Variants in SPC24 observed in about 807,000 individuals in gnomAD.
SPC24 encodes the protein SPC24 component of NDC80 kinetochore complex, also known as kinetochore protein Spc24.
A neutral mutation model predicts 27.6 loss-of-function variants in SPC24; 31 were observed. The observed-to-expected ratio is 1.12, with a 90% CI of 0.84 to 1.52. SPC24 has a LOEUF of 1.52. Among genes scored for constraint, SPC24 ranks in the 40% most tolerant of loss-of-function variants. The probability of loss-of-function intolerance (pLI) is 0.00; values close to 1 mark genes in which losing one functional copy is unlikely to be tolerated. For synonymous variants in SPC24, 105 were observed against 105.8 expected (o/e 0.99, Z 0.05); for missense variants, 284 against 252.5 (o/e 1.12, Z -0.84).
Position 11,149,193 on chromosome 19 carries a change from G to C in SPC24, c.206C>G (p.Ala69Gly). 2 of 1,550,538 alleles carry C rather than the reference G, an allele frequency of 1.3e-6. No homozygotes were observed. Among genetic ancestry groups the C allele is most frequent in the Non-Finnish European group, 1.7e-6 (2 of 1,146,682 alleles). Residue 69 changes from alanine to glycine, a missense_variant, in exon 2 of 5, where the codon GCG becomes GGG. By Grantham distance (60) the Ala-to-Gly change is moderately conservative. Coordinates refer to ENST00000592540, the MANE Select transcript of SPC24 (RefSeq NM_182513.4). Reference protein sequence around the residue: ...EKEVAQSLLNAKEQVHQGGVE... With the variant: ...EKEVAQSLLNGKEQVHQGGVE... ...GCCTCCCTGGTGCACCTGCTCCTTC[G>C]CATTGAGAAGGCTCTGGGCCACTTC...
At chr19:11,153,338 G>C (rs1017798010) in intron 1 of SPC24, among the ~76,000 whole-genome samples, 1 of 152,000 alleles carries the variant, frequency 6.6e-6, no homozygotes, top group African/African-American at 2.4e-5. Flanking sequence ...TGTAGTCCCA[G>C]CTACTCGGGA....
At chr19:11,147,963 C>A (rs750536151) in intron 3 of SPC24, 50 bp downstream of exon 3, 1 of 1,597,476 alleles carries the variant, frequency 6.3e-7, no homozygotes, top group Non-Finnish European at 8.6e-7. Context: ...CAACCAAGAG[C>A]CGGACTGCAC....
At chr19:11,147,490 A>G in intron 4 of SPC24, 2 of 574,984 alleles carry the variant, frequency 3.5e-6, no homozygotes, top group South Asian at 4.1e-5. Context: ...CCTCCTGAGT[A>G]GCTGGGACTA....
chr19:11,152,087 A>G (rs2077877152), intron 1 of SPC24, among the ~76,000 whole-genome samples: 1 of 148,486 alleles, frequency 6.7e-6, no homozygotes, highest in Non-Finnish European at 1.5e-5. Flanking sequence ...TGCCTGGCTA[A>G]TTTTCTTATT....
At chr19:11,149,304 G>T in intron 1 of SPC24, 66 bp from the exon 2 acceptor site, 1 of 1,374,956 alleles carries the variant, frequency 7.3e-7, no homozygotes, top group Non-Finnish European at 9.5e-7. Flanking sequence ...GAGAGAAGGT[G>T]GTTCCACTTG....
In SPC24 at chr19:11,146,514, C is replaced by G. The variant is rs1045303707; in HGVS notation, c.*669G>C. 7.1e-6 allele frequency: 1 copy of G among 141,126 alleles called. No individual in the cohort carries two copies. Among genetic ancestry groups the G allele is most frequent in the Admixed American group, 7.4e-5 (1 of 13,498 alleles). The allele number at this position is 141,126 out of a possible 1,614,324, so 8.7% of individuals were successfully genotyped here. ...GGCGCGGTGACTCACACCTGTAATC[C>G]CAGCACTTTGGGAGGCCAAGGCGGG... On this transcript the variant is annotated 3_prime_UTR_variant, in exon 5 of 5. Coordinates refer to ENST00000592540, the MANE Select transcript of SPC24 (RefSeq NM_182513.4).
At chr19:11,149,539 C>T (rs1204907483) in intron 1 of SPC24, among the ~76,000 whole-genome samples, 1 of 151,814 alleles carries the variant, frequency 6.6e-6, no homozygotes, top group East Asian at 1.9e-4. Flanking sequence ...CGCTTGAGGC[C>T]AAGAGTTCAA....
At position 11,154,818 on chromosome 19, in the gene SPC24, G is replaced by A. The variant is rs1019718289; in HGVS notation, c.160+799C>T. ...CAGTTTGGAAAGATGAGAAAGTTCT[G>A]GAGATGGATGATGGTGCTGATGGTT... On this transcript the variant is annotated intron_variant, in intron 1 of 4. Coordinates refer to ENST00000592540, the MANE Select transcript of SPC24 (RefSeq NM_182513.4). Among the ~76,000 whole-genome samples, 5 of 152,146 alleles carry A rather than the reference G, an allele frequency of 3.3e-5. No individual in the cohort carries two copies. In the East Asian group the frequency reaches 9.6e-4, roughly 29 times the overall value.
chr19:11,149,178 T>A lies in SPC24; in HGVS notation c.221A>T (p.His74Leu). 6.4e-7 allele frequency: 1 copy of A among 1,550,712 alleles called. No homozygotes were observed. Among genetic ancestry groups the A allele is most frequent in the Non-Finnish European group, 8.7e-7 (1 of 1,146,898 alleles). The change falls in exon 2 of 5, where the codon CAC becomes CTC. Residue 74 changes from histidine to leucine, a missense_variant. Coordinates refer to ENST00000592540, the MANE Select transcript of SPC24 (RefSeq NM_182513.4). ...CTGCTGCAGCTCCACGCCTCCCTGG[T>A]GCACCTGCTCCTTCGCATTGAGAAG... Reference protein sequence around the residue: ...QSLLNAKEQVHQGGVELQQLE... With the variant: ...QSLLNAKEQVLQGGVELQQLE...
In SPC24 at chr19:11,154,005, C is replaced by T. The variant is rs561673621; in HGVS notation, c.160+1612G>A. On this transcript the variant is annotated intron_variant, in intron 1 of 4. Coordinates refer to ENST00000592540, the MANE Select transcript of SPC24 (RefSeq NM_182513.4). ...AGGAGAATGGCGTGAACCCAGGAGA[C>T]GCAGCTTGCAGTGAGCCAAGATTGC... 8.6e-5 allele frequency among the ~76,000 whole-genome samples: 13 copies of T among 151,902 alleles called. 1 individual carries two copies. In the South Asian group the frequency reaches 1.9e-3, roughly 22 times the overall value.
chr19:11,146,577 A>C lies in SPC24; in HGVS notation c.*606T>G, dbSNP rs569878721. 2 of 148,960 alleles carry C rather than the reference A, an allele frequency of 1.3e-5. No homozygotes were observed. Among genetic ancestry groups the C allele is most frequent in the East Asian group, 4.0e-4 (2 of 5,024 alleles). The allele number at this position is 148,960 out of a possible 1,614,324, so 9.2% of individuals were successfully genotyped here. A position where few individuals can be genotyped will look rare whatever the true frequency, so the allele number is the denominator to read the frequency against. Reference sequence around the variant, plus strand: ...TCAGGAGATGGAGACCATCCTGTCTAACATGGTGAAACCCCGTCTCTACTA... The same window carrying C: ...TCAGGAGATGGAGACCATCCTGTCTCACATGGTGAAACCCCGTCTCTACTA... On this transcript the variant is annotated 3_prime_UTR_variant, in exon 5 of 5. Transcript: ENST00000592540.
Position 11,150,869 on chromosome 19 carries a change from G to C in SPC24, c.161-1631C>G, listed in dbSNP as rs569725939. Among the ~76,000 whole-genome samples the C allele has an allele frequency of 4.6e-5, 7 of 150,658 alleles. No homozygotes were observed. The South Asian group carries it at 1.1e-3, about 23-fold the overall frequency. On this transcript the variant is annotated intron_variant, in intron 1 of 4. Transcript: ENST00000592540. ...GAAACCTGCCAACTCAGAGAATGCAGATTAAATGCCCAGGCCAGGCGCGGT... is the reference window on the plus strand; with the variant it reads ...GAAACCTGCCAACTCAGAGAATGCACATTAAATGCCCAGGCCAGGCGCGGT...
chr19:11,147,401 G>A, intron 4 of SPC24, 112 bp from the exon 5 acceptor site: 2 of 710,386 alleles, frequency 2.8e-6, no homozygotes, highest in Non-Finnish European at 4.6e-6. Flanking sequence ...CATTCTGTAG[G>A]CCAGGCTGGA....
At chr19:11,148,978 C>T in intron 2 of SPC24, 116 bp downstream of exon 2, 8 of 1,078,592 alleles carry the variant, frequency 7.4e-6, no homozygotes, top group Non-Finnish European at 1.0e-5. Context: ...AACTCCTGGG[C>T]TCAAGTGATC....
At position 11,148,059 on chromosome 19, in the gene SPC24, C is replaced by T. The variant is rs2077842139; in HGVS notation, c.364G>A (p.Glu122Lys). 1 of 1,613,798 alleles carries T rather than the reference C, an allele frequency of 6.2e-7. No homozygotes were observed. The highest frequency in any genetic ancestry group is 1.1e-5 in the South Asian group (1 of 91,072). ...KEIEADLERQ[E>K]KEVDEDTTVT... ...GTCGTGTCCTCGTCGACCTCCTTCT[C>T]CTGTCGCTCCAGATCCGCCTCAATC... Residue 122 changes from glutamate to lysine, a missense_variant, in exon 3 of 5, where the codon GAG becomes AAG. Transcript: ENST00000592540.
intron 1 of SPC24, among the ~76,000 whole-genome samples, chr19:11,151,267 CA>C (rs2077869207): frequency 6.6e-6 from 1 of 150,944 alleles, no homozygotes; most frequent in Non-Finnish European, 1.5e-5. Flanking sequence ...GTTCTGCAAA[CA>C]TGAACACACA....
At chr19:11,154,693 G>A (rs887152962) in intron 1 of SPC24, among the ~76,000 whole-genome samples, 1 of 152,130 alleles carries the variant, frequency 6.6e-6, no homozygotes, top group Non-Finnish European at 1.5e-5. Flanking sequence ...TCCTCGTAAG[G>A]TTCCTAGAGG....
rs1568630820 is a variant in SPC24 at position 11,148,041 on chromosome 19, C to T, written c.382G>A (p.Asp128Asn). Residue 128 changes from aspartate (D) to asparagine (N), a missense_variant, in exon 3 of 5, where the codon GAC (aspartate) becomes AAC (asparagine). By Grantham distance (23) the Asp-to-Asn change is conservative (BLOSUM62 1). Coordinates refer to ENST00000592540, the MANE Select transcript of SPC24 (RefSeq NM_182513.4). ...LERQEKEVDE[D>N]TTVTIPSAVY... Reference sequence around the variant, plus strand: ...GCCGAGGGGATTGTGACTGTCGTGTCCTCGTCGACCTCCTTCTCCTGTCGC... The same window carrying T: ...GCCGAGGGGATTGTGACTGTCGTGTTCTCGTCGACCTCCTTCTCCTGTCGC... 4 of 1,613,670 alleles carry T rather than the reference C, an allele frequency of 2.5e-6. No homozygotes were observed. The African/African-American group carries it at 4.0e-5, about 16-fold the overall frequency.
chr19:11,149,071 G>T, intron 2 of SPC24, 23 bp downstream of exon 2: 1 of 1,478,380 alleles, frequency 6.8e-7, no homozygotes, highest in Non-Finnish European at 9.0e-7. Flanking sequence ...TAGCAAGGCT[G>T]ATCCCCTAGC....
Sources: allele counts gnomAD v4.1 joint callset (sites outside exome capture counted in the v4.1 genomes callset), GRCh38; gene constraint gnomAD v4.1.1; transcripts MANE v1.5; gene names NCBI Gene and HGNC (gene_info 2026-07-23, HGNC 2026-07-21).